Variants in ZNF700 observed in about 807,000 individuals in gnomAD.
The protein encoded by ZNF700 is zinc finger protein 700.
ZNF700 carries 38 observed loss-of-function variants against 65.3 expected under a neutral mutation model. The observed-to-expected ratio is 0.58, with a 90% CI of 0.45 to 0.76. The LOEUF is 0.76. ZNF700 is among the 30% of genes least tolerant of loss of function. The probability of loss-of-function intolerance (pLI) is 0.00; values close to 1 mark genes in which losing one functional copy is unlikely to be tolerated. For missense variants in ZNF700, 857 were observed against 888.4 expected, an observed-to-expected ratio of 0.96 and a Z score of 0.45; for synonymous variants, 285 against 290.4, an observed-to-expected ratio of 0.98 and a Z score of 0.19.
chr19:11,939,374 CT>C (rs1296465805), intron 1 of ZNF700, among the ~76,000 whole-genome samples: 1 of 152,142 alleles, frequency 6.6e-6, no homozygotes, highest in African/African-American at 2.4e-5. Context: ...ACATTTAAGT[CT>C]TTAATCCATC....
In ZNF700 at chr19:11,929,138, C is replaced by T. The variant is rs942690949; in HGVS notation, c.63+3865C>T. ...TGCTTCAAGATAATTTAAAGATCTA[C>T]CAGCTTAAATTTTTGAATTACTTTG... On this transcript the variant is annotated intron_variant, in intron 1 of 3. Coordinates refer to ENST00000254321, the MANE Select transcript of ZNF700 (RefSeq NM_144566.3). 3.4e-5 allele frequency among the ~76,000 whole-genome samples: 5 copies of T among 148,240 alleles called. No homozygotes were observed. In the South Asian group the frequency reaches 8.4e-4, roughly 25 times the overall value.
At chr19:11,936,150 T>G (rs1008304625) in intron 1 of ZNF700, among the ~76,000 whole-genome samples, 1 of 152,020 alleles carries the variant, frequency 6.6e-6, no homozygotes, top group Non-Finnish European at 1.5e-5. Flanking sequence ...CTATTGTGAA[T>G]AGTGAATATT....
intron 1 of ZNF700, 45 bp downstream of exon 1, chr19:11,925,318 C>T (rs1427627723): frequency 1.9e-6 from 3 of 1,604,524 alleles, no homozygotes; most frequent in Non-Finnish European, 2.6e-6. Flanking sequence ...GAGGGGCTGC[C>T]TGGAACAGGC....
In ZNF700 at chr19:11,950,628, T is replaced by C. The variant is rs1275701277; in HGVS notation, c.*375T>C. ...GGAGAAACTCTATGAATGTAAGCAG[T>C]ATGGGAAAGCCTTCAGATCTGCCAA... On this transcript the variant is annotated 3_prime_UTR_variant, in exon 4 of 4. Coordinates refer to ENST00000254321, the MANE Select transcript of ZNF700 (RefSeq NM_144566.3). 1 of 396,730 alleles carries C rather than the reference T, an allele frequency of 2.5e-6. No individual in the cohort carries two copies. Among genetic ancestry groups the C allele is most frequent in the African/African-American group, 2.1e-5 (1 of 47,966 alleles). 24.6% of individuals were successfully genotyped at this position (396,730 alleles called of 1,614,324 possible). A position where few individuals can be genotyped will look rare whatever the true frequency, so the allele number is the denominator to read the frequency against.
chr19:11,946,991 AAAAT>A (rs1025133073), intron 1 of ZNF700, 186 bp from the exon 2 acceptor site: 71 of 1,095,290 alleles, frequency 6.5e-5, no homozygotes, highest in East Asian at 1.6e-4. Flanking sequence ...TCTGTCTCAA[AAAAT>A]AAATAAATAA....
chr19:11,929,100 C>T (rs1248872615), intron 1 of ZNF700, among the ~76,000 whole-genome samples: 1 of 148,324 alleles, frequency 6.7e-6, no homozygotes, highest in Non-Finnish European at 1.5e-5. Context: ...GTCACTCAAC[C>T]CCATGATCAC....
At position 11,949,685 on chromosome 19, in the gene ZNF700, A is replaced by G. The variant is rs1411538105; in HGVS notation, c.1661A>G (p.His554Arg). 6.2e-7 allele frequency: 1 copy of G among 1,614,010 alleles called. No individual in the cohort carries two copies. The highest frequency in any genetic ancestry group is 8.5e-7 in the Non-Finnish European group (1 of 1,180,008). ...AFRCCNSLRY[H>R]ERTHTGEKPY... Reference sequence around the variant, plus strand: ...AGATGTTGCAATTCCCTTCGATATCATGAAAGGACTCACACTGGAGAGAAA... The same window carrying G: ...AGATGTTGCAATTCCCTTCGATATCGTGAAAGGACTCACACTGGAGAGAAA... The change falls in exon 4 of 4, where the codon CAT becomes CGT. Residue 554 changes from histidine (H) to arginine (R), a missense_variant. Transcript: ENST00000254321.
Position 11,950,604 on chromosome 19 carries a change from G to A in ZNF700, c.*351G>A. On this transcript the variant is annotated 3_prime_UTR_variant, in exon 4 of 4. Coordinates refer to ENST00000254321, the MANE Select transcript of ZNF700 (RefSeq NM_144566.3). ...ACGGCATGGAAGGGTTCACACTTGG[G>A]AGAAACTCTATGAATGTAAGCAGTA... 4.3e-6 allele frequency: 2 copies of A among 463,676 alleles called. No homozygotes were observed. The highest frequency in any genetic ancestry group is 8.3e-6 in the Non-Finnish European group (2 of 241,824). The allele number at this position is 463,676 out of a possible 1,614,324, so 28.7% of individuals were successfully genotyped here.
chr19:11,937,488 TCC>T (rs1273320260), intron 1 of ZNF700, among the ~76,000 whole-genome samples: 2,656 of 140,362 alleles, frequency 0.019, 119 homozygotes, highest in African/African-American at 0.06. Context: ...TTTTTTTCTT[TCC>T]TTTTTTTTTT....
chr19:11,941,485 G>A (rs959678333), intron 1 of ZNF700, among the ~76,000 whole-genome samples: 6 of 152,178 alleles, frequency 3.9e-5, no homozygotes, highest in African/African-American at 9.7e-5. Flanking sequence ...GCGCAGCACC[G>A]GTGGGCTGGC....
intron 1 of ZNF700, among the ~76,000 whole-genome samples, chr19:11,929,728 A>G (rs1435905903): frequency 6.8e-6 from 1 of 147,972 alleles, no homozygotes; most frequent in Non-Finnish European, 1.5e-5. Flanking sequence ...AATATATGGG[A>G]TGCCGGATCT....
chr19:11,941,265 A>T (rs1381073440), intron 1 of ZNF700, among the ~76,000 whole-genome samples: 1 of 152,218 alleles, frequency 6.6e-6, no homozygotes, highest in East Asian at 1.9e-4. Flanking sequence ...CTGCAGGTGG[A>T]GCTGCCTGCC....
chr19:11,950,355 T>C lies in ZNF700; in HGVS notation c.*102T>C. On this transcript the variant is annotated 3_prime_UTR_variant, in exon 4 of 4. Coordinates refer to ENST00000254321, the MANE Select transcript of ZNF700 (RefSeq NM_144566.3). ...TCACATTTTCCAGTTCTTTTCGATA[T>C]CATGAAAGGACTCACACTGGGGAGA... 2 of 1,150,768 alleles carry C rather than the reference T, an allele frequency of 1.7e-6. No homozygotes were observed. Among genetic ancestry groups the C allele is most frequent in the Non-Finnish European group, 2.5e-6 (2 of 798,740 alleles). 71.3% of individuals were successfully genotyped at this position (1,150,768 alleles called of 1,614,324 possible). A position where few individuals can be genotyped will look rare whatever the true frequency, so the allele number is the denominator to read the frequency against.
At chr19:11,940,899 G>A (rs279251) in intron 1 of ZNF700, among the ~76,000 whole-genome samples, 25,966 of 151,544 alleles carry the variant, frequency 0.17, 4,700 homozygotes, top group African/African-American at 0.46. Context: ...GAATAGCTAG[G>A]TACAGAGTGT....
At chr19:11,937,615 A>G (rs775079838) in intron 1 of ZNF700, among the ~76,000 whole-genome samples, 1 of 150,666 alleles carries the variant, frequency 6.6e-6, no homozygotes, top group Non-Finnish European at 1.5e-5. Context: ...CAGCCTCCCG[A>G]GTAACTGAGA....
rs974666828 is a variant in ZNF700 at position 11,929,154 on chromosome 19, A to G, written c.63+3881A>G. 2.0e-5 allele frequency among the ~76,000 whole-genome samples: 3 copies of G among 147,948 alleles called. 1 individual carries two copies. The highest frequency in any genetic ancestry group is 8.0e-5 in the African/African-American group (3 of 37,732). On this transcript the variant is annotated intron_variant, in intron 1 of 3. Transcript: ENST00000254321. ...AAAGATCTACCAGCTTAAATTTTTG[A>G]ATTACTTTGTTGTTTTTGTTGTTTG...
chr19:11,925,821 G>C (rs1196306237), intron 1 of ZNF700, among the ~76,000 whole-genome samples: 2 of 152,022 alleles, frequency 1.3e-5, no homozygotes, highest in Admixed American at 1.3e-4. Flanking sequence ...GAATAGGAGA[G>C]ACCTTGGCCG....
Position 11,948,529 on chromosome 19 carries a change from C to T in ZNF700, c.505C>T (p.Pro169Ser). The T allele has an allele frequency of 6.2e-7, 1 of 1,610,838 alleles. No homozygotes were observed. The highest frequency in any genetic ancestry group is 8.5e-7 in the Non-Finnish European group (1 of 1,179,364). ...YGPKPYKCQQ[P>S]KNKKAFRYRP... ...ACCAAAGCCATATAAGTGTCAACAACCTAAAAATAAGAAAGCCTTCAGGTA... is the reference window on the plus strand; with the variant it reads ...ACCAAAGCCATATAAGTGTCAACAATCTAAAAATAAGAAAGCCTTCAGGTA... The change falls in exon 4 of 4, where the codon CCT (proline) becomes TCT (serine). Residue 169 changes from proline (P) to serine (S), a missense_variant. By Grantham distance (74) the Pro-to-Ser change is moderately conservative. Coordinates refer to ENST00000254321, the MANE Select transcript of ZNF700 (RefSeq NM_144566.3).
chr19:11,939,307 T>C (rs1395327580), intron 1 of ZNF700, among the ~76,000 whole-genome samples: 4 of 152,384 alleles, frequency 2.6e-5, no homozygotes, highest in African/African-American at 9.6e-5. Flanking sequence ...TGCCCATGCC[T>C]ATGTCTGAAT....
Sources: gnomAD v4.1 joint callset for allele counts (sites outside exome capture counted in the v4.1 genomes callset) on GRCh38, gnomAD v4.1.1 for gene constraint, MANE v1.5 for transcripts, NCBI Gene and HGNC (gene_info 2026-07-23, HGNC 2026-07-21) for gene names.